The following DOCK4 variants were observed in gnomAD, a reference collection of about 807,000 sequenced individuals.
DOCK4 encodes the protein dedicator of cytokinesis 4.
Under a neutral mutation model 268.1 loss-of-function variants are expected in DOCK4, and 97 were observed. The observed-to-expected ratio is 0.36, with a 90% CI of 0.31 to 0.43. The LOEUF (loss-of-function observed/expected upper bound fraction) is 0.43, where lower values mean the gene tolerates loss of function less well. Among genes scored for constraint, DOCK4 ranks in the 20% least tolerant of loss-of-function variants. The pLI is 1.00. For synonymous variants in DOCK4, 954 were observed against 887.2 expected, an observed-to-expected ratio of 1.08 and a Z score of -1.34; for missense variants, 2,145 against 2,455.7, an observed-to-expected ratio of 0.87 and a Z score of 2.67.
At chr7:112,119,884 G>C (rs922234827) in intron 1 of DOCK4, among the ~76,000 whole-genome samples, 8 of 148,416 alleles carry the variant, frequency 5.4e-5, no homozygotes, top group Admixed American at 1.4e-4. Flanking sequence ...GTCTCACTCT[G>C]TCACCCAGGC....
Position 111,727,086 on chromosome 7 carries a change from T to TA in DOCK4, c.*1187dup, listed in dbSNP as rs1794694831. On this transcript the variant is annotated 3_prime_UTR_variant, in exon 53 of 53. Transcript: ENST00000428084. ...TAAAAGAAAAAACAAAGATATAAAA[T>TA]ACATTACTACATACAAGGTGCTTTT... 1.3e-5 allele frequency: 2 copies of TA among 152,634 alleles called. No individual in the cohort carries two copies. The highest frequency in any genetic ancestry group is 6.5e-5 in the Admixed American group (1 of 15,280). 9.5% of individuals were successfully genotyped at this position (152,634 alleles called of 1,614,324 possible). A position where few individuals can be genotyped will look rare whatever the true frequency, so the allele number is the denominator to read the frequency against.
intron 1 of DOCK4, among the ~76,000 whole-genome samples, chr7:112,182,753 CA>C (rs1819166445): frequency 6.6e-6 from 1 of 152,228 alleles, no homozygotes; most frequent in Admixed American, 6.5e-5. Context: ...ATAAACTCTG[CA>C]TGAAAGCACA....
In DOCK4 at chr7:111,755,386, A is replaced by T. The variant is rs181928014; in HGVS notation, c.4416+129T>A. 1,110 of 828,368 alleles carry T rather than the reference A, an allele frequency of 1.3e-3. 2 individuals are homozygous for T. The highest frequency in any genetic ancestry group is 2.4e-3 in the Middle Eastern group (8 of 3,270). The allele number at this position is 828,368 out of a possible 1,614,324, so 51.3% of individuals were successfully genotyped here. A position where few individuals can be genotyped will look rare whatever the true frequency, so the allele number is the denominator to read the frequency against. On this transcript the variant is annotated intron_variant, in intron 42 of 52. Transcript: ENST00000428084. ...CCTTGGTAATAGCGGTCAAGACCATAAACATTCACTATTTTACTATGAGTG... is the reference window on the plus strand; with the variant it reads ...CCTTGGTAATAGCGGTCAAGACCATTAACATTCACTATTTTACTATGAGTG...
At chr7:111,999,505 G>T (rs569719586) in intron 3 of DOCK4, among the ~76,000 whole-genome samples, 2 of 152,026 alleles carry the variant, frequency 1.3e-5, no homozygotes, top group East Asian at 1.9e-4. Context: ...CTCAAATATG[G>T]TCTAAATGAA....
intron 50 of DOCK4, 40 bp downstream of exon 50, chr7:111,736,877 C>T (rs184672508): frequency 6.5e-7 from 1 of 1,545,332 alleles, no homozygotes; most frequent in Non-Finnish European, 8.8e-7. Context: ...ATAAAACAAG[C>T]CCTTACACAT....
intron 27 of DOCK4, among the ~76,000 whole-genome samples, chr7:111,813,442 CA>C (rs1452729123): frequency 6.6e-6 from 1 of 152,010 alleles, no homozygotes; most frequent in African/African-American, 2.4e-5. Context: ...GAAATATTAA[CA>C]AGGGTAATTA....
intron 24 of DOCK4, among the ~76,000 whole-genome samples, chr7:111,846,520 C>A (rs750112488): frequency 2.7e-5 from 4 of 149,962 alleles, no homozygotes; most frequent in Non-Finnish European, 5.9e-5. Flanking sequence ...CTGGTGGGGC[C>A]AAGTAATGGT....
intron 34 of DOCK4, 95 bp from the exon 35 acceptor site, chr7:111,783,019 A>ACC: frequency 3.7e-6 from 1 of 269,142 alleles, no homozygotes; most frequent in Non-Finnish European, 5.7e-6. Flanking sequence ...AGAAAGAAAG[A>ACC]AAAAAAAAAA....
intron 23 of DOCK4, among the ~76,000 whole-genome samples, chr7:111,848,049 C>T (rs1804253801): frequency 6.6e-6 from 1 of 152,186 alleles, no homozygotes; most frequent in South Asian, 2.1e-4. Context: ...CTCGCCTTGA[C>T]CCTTTCAATC....
At chr7:111,985,853 C>A (rs543094796) in intron 6 of DOCK4, among the ~76,000 whole-genome samples, 2 of 152,154 alleles carry the variant, frequency 1.3e-5, no homozygotes, top group African/African-American at 2.4e-5. Flanking sequence ...ATTCTCCATT[C>A]CCTTCTGAAA....
At chr7:112,001,843 T>C (rs1411444568) in intron 2 of DOCK4, among the ~76,000 whole-genome samples, 1 of 152,188 alleles carries the variant, frequency 6.6e-6, no homozygotes, top group Admixed American at 6.6e-5. Context: ...TTAGGTCGCA[T>C]CCCTTGCCAA....
chr7:111,823,331 C>T (rs992806938), intron 26 of DOCK4, among the ~76,000 whole-genome samples: 10 of 151,470 alleles, frequency 6.6e-5, no homozygotes, highest in African/African-American at 2.4e-5. Context: ...CTCAGCCTCC[C>T]GAGTAGCTGA....
At chr7:111,956,958 A>G (rs563021817) in intron 8 of DOCK4, among the ~76,000 whole-genome samples, 125 of 152,320 alleles carry the variant, frequency 8.2e-4, no homozygotes, top group African/African-American at 2.9e-3. Context: ...TATATTCATT[A>G]TAACTTTTAA....
chr7:111,977,052 T>C, intron 8 of DOCK4, 80 bp downstream of exon 8: 2 of 1,498,320 alleles, frequency 1.3e-6, no homozygotes, highest in Non-Finnish European at 1.8e-6. Flanking sequence ...ATACAAGATA[T>C]ATATCTTACA....
At chr7:112,200,039 T>A (rs937769177) in intron 1 of DOCK4, among the ~76,000 whole-genome samples, 1 of 152,172 alleles carries the variant, frequency 6.6e-6, no homozygotes, top group Non-Finnish European at 1.5e-5. Context: ...TCAAAGACAA[T>A]AACCACCACC....
At chr7:112,136,919 C>T (rs1814407362) in intron 1 of DOCK4, among the ~76,000 whole-genome samples, 1 of 151,932 alleles carries the variant, frequency 6.6e-6, no homozygotes, top group Non-Finnish European at 1.5e-5. Context: ...AAATGGTATT[C>T]AGCTATGGAA....
At chr7:112,160,524 A>G (rs1563143932) in intron 1 of DOCK4, among the ~76,000 whole-genome samples, 1 of 152,118 alleles carries the variant, frequency 6.6e-6, no homozygotes, top group Non-Finnish European at 1.5e-5. Context: ...GACAAAGGAA[A>G]CCTATCAAGC....
intron 8 of DOCK4, chr7:111,953,862 C>T (rs1796248850): frequency 6.6e-6 from 1 of 152,236 alleles, no homozygotes; most frequent in African/African-American, 2.4e-5. Context: ...TCCCTACCAA[C>T]ACTCTTTATC....
At chr7:111,769,298 C>G (rs1316224611) in intron 37 of DOCK4, among the ~76,000 whole-genome samples, 1 of 152,088 alleles carries the variant, frequency 6.6e-6, no homozygotes, top group Non-Finnish European at 1.5e-5. Flanking sequence ...CAGCCTCATG[C>G]CAGACAAGGC....
Sources: gnomAD v4.1 joint callset for allele counts (sites outside exome capture counted in the v4.1 genomes callset) on GRCh38, gnomAD v4.1.1 for gene constraint, MANE v1.5 for transcripts, NCBI Gene and HGNC (gene_info 2026-07-23, HGNC 2026-07-21) for gene names.